The following ANAPC5 variants were observed in gnomAD, a reference collection of about 807,000 sequenced individuals.
ANAPC5 encodes the protein anaphase-promoting complex subunit 5.
In ANAPC5, 60 loss-of-function variants were observed where a neutral mutation model predicts 91.3. The ratio of observed to expected loss-of-function variants is 0.66; its 90% CI spans 0.53 to 0.81. ANAPC5 has a LOEUF of 0.81. ANAPC5 is among the 40% of genes least tolerant of loss of function. The pLI, the probability that ANAPC5 is intolerant of heterozygous loss-of-function variation, is 0.00. For synonymous variants in ANAPC5, 340 were observed against 364.1 expected (o/e 0.93, Z 0.75); for missense variants, 690 against 931.5 (o/e 0.74, Z 3.37).
chr12:121,346,177 C>G, intron 3 of ANAPC5, 146 bp from the exon 4 acceptor site: 2 of 659,396 alleles, frequency 3.0e-6, no homozygotes, highest in East Asian at 2.8e-5. Context: ...ATTCCCTCCT[C>G]CTGGAATGTT....
At chr12:121,325,364 G>A (rs1366649126) in intron 11 of ANAPC5, among the ~76,000 whole-genome samples, 3 of 152,080 alleles carry the variant, frequency 2.0e-5, no homozygotes, top group Admixed American at 6.6e-5. Flanking sequence ...CTGGGAGGCT[G>A]AGGTAGGAGA....
intron 11 of ANAPC5, among the ~76,000 whole-genome samples, chr12:121,324,972 C>T (rs1902754907): frequency 6.6e-6 from 1 of 152,092 alleles, no homozygotes; most frequent in Non-Finnish European, 1.5e-5. Flanking sequence ...TGAGACTAGC[C>T]TGGGCAACAG....
chr12:121,320,303 G>T, intron 12 of ANAPC5, 82 bp downstream of exon 12: 2 of 1,309,672 alleles, frequency 1.5e-6, no homozygotes, highest in Non-Finnish European at 2.2e-6. Context: ...TTTTTCTGAG[G>T]GGAGATTATG....
intron 4 of ANAPC5, among the ~76,000 whole-genome samples, chr12:121,343,520 G>A (rs1161062049): frequency 1.3e-5 from 2 of 152,162 alleles, no homozygotes; most frequent in Non-Finnish European, 2.9e-5. Flanking sequence ...GGCCAACCTG[G>A]GGATCTGACT....
At chr12:121,340,646 G>A (rs547483004) in intron 5 of ANAPC5, among the ~76,000 whole-genome samples, 9 of 151,122 alleles carry the variant, frequency 6.0e-5, no homozygotes, top group African/African-American at 1.2e-4. Flanking sequence ...TCCACCTCCC[G>A]GGTTCAAGCG....
At position 121,347,004 on chromosome 12, in the gene ANAPC5, T is replaced by C. The variant is rs935857483; in HGVS notation, c.289A>G (p.Ile97Val). The C allele has an allele frequency of 3.1e-6, 5 of 1,598,266 alleles. No homozygotes were observed. The highest frequency in any genetic ancestry group is 4.3e-6 in the Non-Finnish European group (5 of 1,173,766). Residue 97 changes from isoleucine (I) to valine (V), a missense_variant and splice_region_variant, in exon 3 of 17, where the codon ATC (isoleucine) becomes GTC (valine). Ile to Val is a conservative substitution (Grantham distance 29). This residue lies in a region of ANAPC5 where 238 missense variants were observed against 264.9 expected (regional missense o/e 0.90). Coordinates refer to ENST00000261819, the MANE Select transcript of ANAPC5 (RefSeq NM_016237.5). ...AACTCGCCTTCAGCCATCAGTTTGA[T>C]TCTGAATGAGAAAATCGAGGTGCAT... The part of the protein sequence containing the change: ...PQLANSVQIR[I>V]KLMAEGELKD...
At chr12:121,341,874 G>C in intron 5 of ANAPC5, 129 bp downstream of exon 5, 1 of 582,068 alleles carries the variant, frequency 1.7e-6, no homozygotes, top group Non-Finnish European at 2.9e-6. Context: ...GGGACCAAGA[G>C]TAAAGGCTGA....
intron 15 of ANAPC5, among the ~76,000 whole-genome samples, chr12:121,315,646 CT>C (rs1003370804): frequency 1.3e-5 from 2 of 151,894 alleles, no homozygotes; most frequent in Admixed American, 6.6e-5. Flanking sequence ...CAGTTGTTTT[CT>C]TTTTTTTCTT....
At chr12:121,312,113 C>A (rs1191619610) in intron 15 of ANAPC5, among the ~76,000 whole-genome samples, 3 of 152,142 alleles carry the variant, frequency 2.0e-5, no homozygotes, top group African/African-American at 4.8e-5. Flanking sequence ...TGAAATCATA[C>A]AAAGAATCTC....
chr12:121,344,952 T>C (rs2136815937), intron 4 of ANAPC5, among the ~76,000 whole-genome samples: 1 of 152,244 alleles, frequency 6.6e-6, no homozygotes, highest in African/African-American at 2.4e-5. Flanking sequence ...CTTAGGGGCT[T>C]CCCCAGATGC....
rs35933671 is a variant in ANAPC5, at chr12:121,309,146, CAAAAAAAA to C, written c.2057-463_2057-456del. The stretch of plus-strand genomic sequence containing the variant: ...CCTGGGCGACAGAGTGACTCCATCT[CAAAAAAAA>C]AAAAAAAAAAAAAAGGCCGGGCGCA... On this transcript the variant is annotated intron_variant, in intron 16 of 16. Coordinates refer to ENST00000261819, the MANE Select transcript of ANAPC5 (RefSeq NM_016237.5). Among the ~76,000 whole-genome samples, 4 of 36,848 alleles carry C rather than the reference CAAAAAAAA, an allele frequency of 1.1e-4. No homozygotes were observed. The Admixed American group carries it at 1.3e-3, about 12-fold the overall frequency. The allele number at this position is 36,848 out of a possible 152,430, so 24.2% of individuals were successfully genotyped here.
chr12:121,349,957 C>T (rs1264489341), intron 1 of ANAPC5, among the ~76,000 whole-genome samples: 1 of 151,950 alleles, frequency 6.6e-6, no homozygotes, highest in African/African-American at 2.4e-5. Flanking sequence ...GTGATCCACC[C>T]ACCTCAGCCT....
At chr12:121,324,089 C>G (rs1902719216) in intron 11 of ANAPC5, among the ~76,000 whole-genome samples, 2 of 152,136 alleles carry the variant, frequency 1.3e-5, no homozygotes, top group South Asian at 4.1e-4. Flanking sequence ...CCCAATCACT[C>G]TCATACCACA....
intron 1 of ANAPC5, among the ~76,000 whole-genome samples, chr12:121,350,130 G>A (rs1052113748): frequency 1.3e-5 from 2 of 152,104 alleles, no homozygotes; most frequent in East Asian, 3.8e-4. Context: ...ATTTAACTGG[G>A]TAGGTCTCTT....
intron 9 of ANAPC5, among the ~76,000 whole-genome samples, chr12:121,330,282 A>C (rs544787352): frequency 6.6e-6 from 1 of 152,350 alleles, no homozygotes; most frequent in South Asian, 2.1e-4. Context: ...GCCTTTGCTA[A>C]AATTTTTCTA....
chr12:121,351,461 G>A (rs566894977), intron 1 of ANAPC5, among the ~76,000 whole-genome samples: 3 of 150,754 alleles, frequency 2.0e-5, no homozygotes, highest in South Asian at 2.1e-4. Context: ...TTGGCTTTAT[G>A]CCTTTTTTTT....
chr12:121,322,608 G>A (rs1902662584), intron 11 of ANAPC5, among the ~76,000 whole-genome samples: 1 of 152,096 alleles, frequency 6.6e-6, no homozygotes, highest in Admixed American at 6.5e-5. Context: ...TATGGTACAT[G>A]AAAATAATCT....
In ANAPC5 at chr12:121,318,276, C is replaced by T; in HGVS notation, c.1893+1G>A. 2 of 1,524,388 alleles carry T rather than the reference C, an allele frequency of 1.3e-6. No individual in the cohort carries two copies. The highest frequency in any genetic ancestry group is 1.8e-6 in the Non-Finnish European group (2 of 1,136,818). 94.4% of individuals were successfully genotyped at this position (1,524,388 alleles called of 1,614,324 possible). On this transcript the variant is annotated splice_donor_variant, in intron 15 of 16. Coordinates refer to ENST00000261819, the MANE Select transcript of ANAPC5 (RefSeq NM_016237.5). LOFTEE classifies it high-confidence loss of function. Reference sequence around the variant, plus strand: ...TGCTATAAAAACAGAGATCGGCTTACCTGCGCAAAAGCCAAGTTCAGCACT... The same window carrying T: ...TGCTATAAAAACAGAGATCGGCTTATCTGCGCAAAAGCCAAGTTCAGCACT...
chr12:121,337,326 T>G lies in ANAPC5; in HGVS notation c.724A>C (p.Asn242His). The change falls in exon 6 of 17, where the codon AAT (asparagine) becomes CAT (histidine). Residue 242 changes from asparagine to histidine, a missense_variant. Around this residue, in one of 5 missense-constraint regions of ANAPC5, gnomAD observed 83 missense variants for 150.8 expected, o/e 0.55. Transcript: ENST00000261819. ...AAATCAGGATTAAATTTCAACAAAT[T>G]GTTTAATTCCTTCTGCAAGGAAGCT... is the stretch of plus-strand genomic sequence containing the variant. ...TPASLQKELNNLLKFNPDFAE... is the reference protein window; with the variant it reads ...TPASLQKELNHLLKFNPDFAE... 6.2e-7 allele frequency: 1 copy of G among 1,613,886 alleles called. No individual in the cohort carries two copies. Among genetic ancestry groups the G allele is most frequent in the Non-Finnish European group, 8.5e-7 (1 of 1,179,848 alleles).
Sources: allele counts gnomAD v4.1 joint callset (sites outside exome capture counted in the v4.1 genomes callset), GRCh38; gene constraint gnomAD v4.1.1; regional missense constraint gnomAD v4.1.1; transcripts MANE v1.5; gene names NCBI Gene and HGNC (gene_info 2026-07-23, HGNC 2026-07-21).